Variants in GPC5 observed in about 807,000 individuals in gnomAD.
The protein encoded by GPC5 is glypican 5.
In GPC5, 47 loss-of-function variants were observed where a neutral mutation model predicts 53.9. That is an observed-to-expected ratio of 0.87 (90% CI 0.69 to 1.11). GPC5 has a LOEUF of 1.11. Ranked by LOEUF, GPC5 falls within the 50% of genes most tolerant of loss-of-function variation. The pLI is 0.00. For missense variants in GPC5, 748 were observed against 713.1 expected (o/e 1.05, Z -0.56); for synonymous variants, 286 against 263.3 (o/e 1.09, Z -0.84).
intron 7 of GPC5, among the ~76,000 whole-genome samples, chr13:92,787,255 A>G (rs1477436263): frequency 6.6e-6 from 1 of 152,128 alleles, no homozygotes; most frequent in Non-Finnish European, 1.5e-5. Context: ...ATGATAGAGG[A>G]ATTGGAGAAT....
chr13:92,099,331 G>A (rs1045209696), intron 6 of GPC5, among the ~76,000 whole-genome samples: 1 of 152,100 alleles, frequency 6.6e-6, no homozygotes, highest in Admixed American at 6.5e-5. Flanking sequence ...ACCCACTCCA[G>A]CATCACCTAC....
intron 7 of GPC5, among the ~76,000 whole-genome samples, chr13:92,231,666 A>C (rs560780105): frequency 1.3e-5 from 2 of 149,450 alleles, no homozygotes; most frequent in Non-Finnish European, 2.9e-5. Context: ...CCAGAATGCA[A>C]AGTAGAAATT....
chr13:91,887,689 G>T (rs1441755182), intron 5 of GPC5, among the ~76,000 whole-genome samples: 1 of 152,134 alleles, frequency 6.6e-6, no homozygotes, highest in African/African-American at 2.4e-5. Context: ...AATGCCACCA[G>T]TCTTTTTGCT....
intron 2 of GPC5, among the ~76,000 whole-genome samples, chr13:91,496,774 TAA>T (rs1213739840): frequency 6.6e-6 from 1 of 152,096 alleles, no homozygotes; most frequent in East Asian, 1.9e-4. Context: ...CAAAAATAAC[TAA>T]AAGAGTATAA....
intron 7 of GPC5, among the ~76,000 whole-genome samples, chr13:92,827,684 C>T (rs1255879981): frequency 6.6e-6 from 1 of 152,118 alleles, no homozygotes; most frequent in African/African-American, 2.4e-5. Context: ...TTTACTTTTC[C>T]AAAGTGCCTT....
intron 7 of GPC5, among the ~76,000 whole-genome samples, chr13:92,574,154 A>T (rs1883119982): frequency 6.6e-6 from 1 of 152,216 alleles, no homozygotes; most frequent in Admixed American, 6.5e-5. Flanking sequence ...TCTTGTTTAA[A>T]ATACTACAAG....
intron 7 of GPC5, among the ~76,000 whole-genome samples, chr13:92,335,187 C>T (rs943535691): frequency 1.3e-5 from 2 of 152,134 alleles, no homozygotes; most frequent in Non-Finnish European, 2.9e-5. Context: ...TTCATACATC[C>T]TCTGAAATCT....
At chr13:91,865,847 TTGAC>T (rs1318037115) in intron 5 of GPC5, among the ~76,000 whole-genome samples, 1 of 152,104 alleles carries the variant, frequency 6.6e-6, no homozygotes, top group East Asian at 1.9e-4. Context: ...TCACATCAAT[TTGAC>T]TGCCCTCATA....
intron 7 of GPC5, among the ~76,000 whole-genome samples, chr13:92,784,841 C>G (rs1221162981): frequency 1.3e-5 from 2 of 152,162 alleles, no homozygotes; most frequent in Non-Finnish European, 2.9e-5. Flanking sequence ...TTCTTGTAGA[C>G]AGCAAGCCCC....
chr13:92,246,706 C>T (rs1156320432), intron 7 of GPC5, among the ~76,000 whole-genome samples: 1 of 152,110 alleles, frequency 6.6e-6, no homozygotes, highest in East Asian at 1.9e-4. Context: ...GTATAGAGTT[C>T]CATTTTCAAA....
rs371618620 is a variant in GPC5, at chr13:92,355,290, A to G, written c.1561+210301A>G. Among the ~76,000 whole-genome samples the G allele has an allele frequency of 1.2e-4, 16 of 137,290 alleles. No individual in the cohort carries two copies. In the South Asian group the frequency reaches 1.3e-3, roughly 12 times the overall value. 90.1% of individuals were successfully genotyped at this position (137,290 alleles called of 152,430 possible). ...TGAAGAAAATAGTTTATATAAAGCTAAAAAAAAAAAGAGCTCCATAACCTT... is the reference window on the plus strand; with the variant it reads ...TGAAGAAAATAGTTTATATAAAGCTGAAAAAAAAAAGAGCTCCATAACCTT... On this transcript the variant is annotated intron_variant, in intron 7 of 7. Coordinates refer to ENST00000377067, the MANE Select transcript of GPC5 (RefSeq NM_004466.6).
chr13:92,028,200 G>A (rs2138801742), intron 6 of GPC5, among the ~76,000 whole-genome samples: 1 of 152,206 alleles, frequency 6.6e-6, no homozygotes, highest in South Asian at 2.1e-4. Context: ...GCTTGCACGG[G>A]AGGGGGAATC....
At chr13:92,049,215 A>G (rs1422279919) in intron 6 of GPC5, among the ~76,000 whole-genome samples, 1 of 152,086 alleles carries the variant, frequency 6.6e-6, no homozygotes, top group Admixed American at 6.6e-5. Flanking sequence ...AAAACTATAT[A>G]CCTAATACAT....
At chr13:92,540,398 G>T (rs1475277982) in intron 7 of GPC5, among the ~76,000 whole-genome samples, 1 of 151,900 alleles carries the variant, frequency 6.6e-6, no homozygotes, top group Non-Finnish European at 1.5e-5. Flanking sequence ...ATAATCAGGA[G>T]TTGTGAATTA....
At chr13:92,541,736 T>G (rs1440956010) in intron 7 of GPC5, among the ~76,000 whole-genome samples, 1 of 152,014 alleles carries the variant, frequency 6.6e-6, no homozygotes, top group East Asian at 1.9e-4. Flanking sequence ...CTAACTTTTT[T>G]GTTTGTTTGT....
intron 7 of GPC5, among the ~76,000 whole-genome samples, chr13:92,532,307 C>T (rs1445952409): frequency 6.6e-6 from 1 of 151,946 alleles, no homozygotes; most frequent in Non-Finnish European, 1.5e-5. Context: ...TATTATATAC[C>T]AACTGTGAAC....
In GPC5 at chr13:91,443,813, C is replaced by T. The variant is rs143848332; in HGVS notation, c.164-4948C>T. Among the ~76,000 whole-genome samples the T allele has an allele frequency of 1.1e-3, 174 of 152,250 alleles. 5 individuals are homozygous for T. In the East Asian group the frequency reaches 0.027, roughly 24 times the overall value. On this transcript the variant is annotated intron_variant, in intron 1 of 7. Transcript: ENST00000377067. ...TGAGTTCATGTTGGTACTTATAATT[C>T]AAATTCAAGATTACAGAGTCTTACT...
intron 2 of GPC5, among the ~76,000 whole-genome samples, chr13:91,509,790 T>C (rs1303901307): frequency 1.3e-5 from 2 of 152,176 alleles, no homozygotes; most frequent in African/African-American, 4.8e-5. Flanking sequence ...GGACCAGGTA[T>C]CTAGTTTACC....
At chr13:91,747,895 T>C (rs2037086402) in intron 4 of GPC5, among the ~76,000 whole-genome samples, 1 of 152,186 alleles carries the variant, frequency 6.6e-6, no homozygotes, top group Admixed American at 6.5e-5. Context: ...CATGAGTCTT[T>C]TTATTTCTCT....
Sources: allele counts gnomAD v4.1 joint callset (sites outside exome capture counted in the v4.1 genomes callset), GRCh38; gene constraint gnomAD v4.1.1; transcripts MANE v1.5; gene names NCBI Gene and HGNC (gene_info 2026-07-23, HGNC 2026-07-21).